CST3: variants seen among roughly 807,000 people sequenced by gnomAD.
CST3 encodes cystatin-C.
Under a neutral mutation model 9.0 loss-of-function variants are expected in CST3, and 14 were observed. The ratio of observed to expected loss-of-function variants is 1.56; its 90% CI spans 1.03 to 2.44. The LOEUF (loss-of-function observed/expected upper bound fraction) is 2.44, where lower values mean the gene tolerates loss of function less well. Ranked by LOEUF, CST3 falls within the 30% of genes most tolerant of loss-of-function variation. The pLI is 0.00. For synonymous variants in CST3, 96 were observed against 90.2 expected, an observed-to-expected ratio of 1.06 and a Z score of -0.37; for missense variants, 237 against 204.3, an observed-to-expected ratio of 1.16 and a Z score of -0.98.
At chr20:23,633,248 G>A (rs1464534732), downstream of CST3, among the ~76,000 whole-genome samples, 2 of 152,262 alleles carry the variant, frequency 1.3e-5, no homozygotes, top group East Asian at 1.9e-4. Flanking sequence ...CAGTCCCTGG[G>A]GTCTGCTCAA....
At chr20:23,635,890 G>T (rs937912853) in intron 1 of CST3, among the ~76,000 whole-genome samples, 6 of 152,180 alleles carry the variant, frequency 3.9e-5, no homozygotes, top group African/African-American at 1.4e-4. Context: ...ACACCTGCAT[G>T]TCTTAGGGTT....
At chr20:23,636,545 T>C (rs1267209575) in intron 1 of CST3, among the ~76,000 whole-genome samples, 1 of 148,902 alleles carries the variant, frequency 6.7e-6, no homozygotes, top group Non-Finnish European at 1.5e-5. Context: ...TAGGGGACTG[T>C]GCCCAGGGGT....
At chr20:23,636,498 G>C (rs1287675127) in intron 1 of CST3, among the ~76,000 whole-genome samples, 1 of 152,200 alleles carries the variant, frequency 6.6e-6, no homozygotes, top group East Asian at 1.9e-4. Context: ...GGATGTAGGG[G>C]GTGGTCAGCC....
chr20:23,632,893 C>A (rs1236927144), downstream of CST3, among the ~76,000 whole-genome samples: 2 of 152,320 alleles, frequency 1.3e-5, no homozygotes, highest in African/African-American at 4.8e-5. Flanking sequence ...CTCTCTTAAT[C>A]CTCCTTGGAA....
At position 23,633,829 on chromosome 20, in the gene CST3, C is replaced by A; in HGVS notation, c.*87G>T. On this transcript the variant is annotated 3_prime_UTR_variant, in exon 3 of 3. Transcript: ENST00000376925. The stretch of plus-strand genomic sequence containing the variant: ...GCACATGGGGAGACCTTCCCCAAGG[C>A]AGGGGCCACCAGTCCAGGGGTGGGA... The A allele has an allele frequency of 8.5e-7, 1 of 1,180,210 alleles. No individual in the cohort carries two copies. The highest frequency in any genetic ancestry group is 1.3e-6 in the Non-Finnish European group (1 of 788,136). 73.1% of individuals were successfully genotyped at this position (1,180,210 alleles called of 1,614,324 possible).
chr20:23,636,170 G>A (rs3787499), intron 1 of CST3, among the ~76,000 whole-genome samples: 29,517 of 152,188 alleles, frequency 0.19, 3,073 homozygotes, highest in South Asian at 0.32. Flanking sequence ...GCAGGCCAGC[G>A]GGGACCCTAC....
In CST3 at chr20:23,635,301, G is replaced by A. The variant is rs1390707331; in HGVS notation, c.310C>T (p.Pro104Ser). 2 of 1,614,128 alleles carry A rather than the reference G, an allele frequency of 1.2e-6. No homozygotes were observed. The highest frequency in any genetic ancestry group is 1.7e-5 in the Admixed American group (1 of 60,016). The change falls in exon 2 of 3, where the codon CCC becomes TCC. Residue 104 changes from proline (P) to serine (S), a missense_variant. By Grantham distance (74) the Pro-to-Ser change is moderately conservative. Transcript: ENST00000376925. Reference protein sequence around the residue: ...LGRTTCTKTQPNLDNCPFHDQ... With the variant: ...LGRTTCTKTQSNLDNCPFHDQ... Reference sequence around the variant, plus strand: ...TGGAAGGGGCAGTTGTCCAAGTTGGGCTGGGTCTTGGTACACGTGGTTCGG... The same window carrying A: ...TGGAAGGGGCAGTTGTCCAAGTTGGACTGGGTCTTGGTACACGTGGTTCGG...
At chr20:23,637,354 G>T (rs771556868) in intron 1 of CST3, among the ~76,000 whole-genome samples, 59 of 152,242 alleles carry the variant, frequency 3.9e-4, no homozygotes, top group Non-Finnish European at 7.8e-4. Flanking sequence ...CCCCCGCGCT[G>T]CGGCGCAGCT....
At chr20:23,633,166 G>A (rs1176636642), downstream of CST3, among the ~76,000 whole-genome samples, 1 of 152,136 alleles carries the variant, frequency 6.6e-6, no homozygotes, top group African/African-American at 2.4e-5. Context: ...TTCCACGTAG[G>A]GGCCTAAGTC....
chr20:23,635,142 C>T (rs1436754082), intron 2 of CST3, 112 bp downstream of exon 2: 2 of 933,832 alleles, frequency 2.1e-6, no homozygotes, highest in East Asian at 2.5e-5. Flanking sequence ...CGTGTACACA[C>T]ACTCAGGCAC....
downstream of CST3, among the ~76,000 whole-genome samples, chr20:23,631,412 C>T (rs538100625): frequency 6.6e-6 from 1 of 152,326 alleles, no homozygotes; most frequent in South Asian, 2.1e-4. Flanking sequence ...CCTTCTGAAG[C>T]TCCTATACCT....
At chr20:23,632,460 T>G (rs1858595521), downstream of CST3, 1 of 152,130 alleles carries the variant, frequency 6.6e-6, no homozygotes, top group African/African-American at 2.4e-5. Flanking sequence ...TCAAATCTCC[T>G]CAGCTCATGG....
At chr20:23,634,847 A>C (rs1452489608) in intron 2 of CST3, among the ~76,000 whole-genome samples, 3 of 152,124 alleles carry the variant, frequency 2.0e-5, no homozygotes, top group African/African-American at 7.2e-5. Flanking sequence ...GGATCTATGC[A>C]TGAATCCACA....
intron 1 of CST3, among the ~76,000 whole-genome samples, chr20:23,636,393 G>A (rs1313152080): frequency 5.3e-5 from 8 of 152,186 alleles, no homozygotes; most frequent in Admixed American, 4.6e-4. Context: ...ACTCCGGTCT[G>A]CTGGGTGTCT....
At chr20:23,633,604 T>C (rs1475278706), downstream of CST3, 2 of 532,936 alleles carry the variant, frequency 3.8e-6, no homozygotes, top group Admixed American at 6.3e-5. Flanking sequence ...ATAAAGGAAC[T>C]GCGGAAACCC....
chr20:23,626,881 A>G (rs1412529030), exon 4 of CST3: 1 of 152,184 alleles, frequency 6.6e-6, no homozygotes, highest in Admixed American at 6.5e-5. Flanking sequence ...TTGGCTTGTA[A>G]CTGGAGTAAG....
At chr20:23,635,035 C>G (rs1260400568) in intron 2 of CST3, among the ~76,000 whole-genome samples, 2 of 151,986 alleles carry the variant, frequency 1.3e-5, no homozygotes, top group African/African-American at 4.8e-5. Context: ...CATGCATAAA[C>G]CCCCACACTT....
intron 1 of CST3, among the ~76,000 whole-genome samples, chr20:23,636,984 A>G (rs1979701650): frequency 1.4e-5 from 2 of 147,432 alleles, no homozygotes; most frequent in African/African-American, 5.2e-5. Flanking sequence ...TTTACTTTCA[A>G]AAGATTCAGG....
downstream of CST3, among the ~76,000 whole-genome samples, chr20:23,633,256 C>T (rs929600270): frequency 1.3e-5 from 2 of 152,182 alleles, no homozygotes; most frequent in Non-Finnish European, 2.9e-5. Context: ...GGGGTCTGCT[C>T]AACTCTGCAA....
Sources: allele counts gnomAD v4.1 joint callset (sites outside exome capture counted in the v4.1 genomes callset), GRCh38; gene constraint gnomAD v4.1.1; transcripts MANE v1.5; gene names NCBI Gene and HGNC (gene_info 2026-07-23, HGNC 2026-07-21).